The following ATP8A1 variants were observed in gnomAD, a reference collection of about 807,000 sequenced individuals.
ATP8A1 encodes the protein ATPase phospholipid transporting 8A1, also known as phospholipid-transporting ATPase IA.
ATP8A1 carries 90 observed loss-of-function variants against 177.7 expected under a neutral mutation model. The observed-to-expected ratio is 0.51, with a 90% CI of 0.43 to 0.60. The LOEUF is 0.60. Among genes scored for constraint, ATP8A1 ranks in the 20% least tolerant of loss-of-function variants. The pLI, the probability that ATP8A1 is intolerant of heterozygous loss-of-function variation, is 0.00. For missense variants in ATP8A1, 1,072 were observed against 1,392.8 expected (o/e 0.77, Z 3.67); for synonymous variants, 493 against 485.9 (o/e 1.01, Z -0.19).
chr4:42,656,804 C>A, intron 1 of ATP8A1, 21 bp downstream of exon 1: 1 of 1,550,310 alleles, frequency 6.5e-7, no homozygotes, highest in East Asian at 2.5e-5. Flanking sequence ...GGGCTAGCCC[C>A]GAGCCTCGGC....
At chr4:42,450,913 C>A (rs1226575374) in intron 30 of ATP8A1, among the ~76,000 whole-genome samples, 1 of 152,174 alleles carries the variant, frequency 6.6e-6, no homozygotes, top group East Asian at 1.9e-4. Flanking sequence ...GACATACAGG[C>A]TGACAAGGGA....
chr4:42,435,809 G>A (rs975893010), intron 33 of ATP8A1, among the ~76,000 whole-genome samples: 8 of 152,170 alleles, frequency 5.3e-5, no homozygotes, highest in African/African-American at 7.2e-5. Flanking sequence ...CAGCTTAACC[G>A]TCCCAACTTC....
At chr4:42,476,023 G>C (rs754040903) in intron 25 of ATP8A1, among the ~76,000 whole-genome samples, 7 of 152,010 alleles carry the variant, frequency 4.6e-5, no homozygotes, top group Non-Finnish European at 8.8e-5. Context: ...CTGGGCGACA[G>C]AGTGAGACTC....
In ATP8A1 at chr4:42,523,988, T is replaced by A. The variant is rs528174135; in HGVS notation, c.1807+775A>T. Among the ~76,000 whole-genome samples, 32 of 152,286 alleles carry A rather than the reference T, an allele frequency of 2.1e-4. 1 individual carries two copies. Among genetic ancestry groups the A allele is most frequent in the African/African-American group, 7.5e-4 (31 of 41,570 alleles). ...GTCAGTTTGGTGCCACTGGCAACAG[T>A]TCCAGCTGAAACAGATAGGAGTGAA... On this transcript the variant is annotated intron_variant, in intron 21 of 36. Coordinates refer to ENST00000381668, the MANE Select transcript of ATP8A1 (RefSeq NM_006095.2).
At chr4:42,633,883 G>A (rs962127327) in intron 1 of ATP8A1, among the ~76,000 whole-genome samples, 4 of 152,186 alleles carry the variant, frequency 2.6e-5, no homozygotes, top group African/African-American at 9.7e-5. Context: ...CATAAAGGAA[G>A]ATAAGGGACA....
Position 42,487,471 on chromosome 4 carries a change from A to T in ATP8A1, c.2152-1803T>A, listed in dbSNP as rs113202066. 8.8e-3 allele frequency among the ~76,000 whole-genome samples: 1,343 copies of T among 152,252 alleles called. 11 individuals carry two copies. Among genetic ancestry groups the T allele is most frequent in the African/African-American group, 0.03 (1,247 of 41,564 alleles). ...AAATATAATGAGTAATTCCCCTCCT[A>T]TCAGATTTCTGTTCTGAGTGCTAAG... On this transcript the variant is annotated intron_variant, in intron 24 of 36. Transcript: ENST00000381668.
At chr4:42,450,388 C>T (rs1717806869) in intron 30 of ATP8A1, among the ~76,000 whole-genome samples, 1 of 152,132 alleles carries the variant, frequency 6.6e-6, no homozygotes, top group East Asian at 1.9e-4. Flanking sequence ...GAATGTCGGG[C>T]ATCAGATAGT....
At chr4:42,600,426 G>A (rs1275545871) in intron 6 of ATP8A1, 52 bp downstream of exon 6, 1 of 1,497,686 alleles carries the variant, frequency 6.7e-7, no homozygotes, top group African/African-American at 1.4e-5. Context: ...ATATACTAGA[G>A]TACACCGCTA....
At chr4:42,550,203 T>C (rs1321490240) in intron 18 of ATP8A1, among the ~76,000 whole-genome samples, 1 of 151,870 alleles carries the variant, frequency 6.6e-6, no homozygotes, top group African/African-American at 2.4e-5. Context: ...TGGCTTTTTT[T>C]TTTTTTTTTG....
chr4:42,500,364 CA>C (rs1044984924), intron 24 of ATP8A1, among the ~76,000 whole-genome samples: 6 of 131,414 alleles, frequency 4.6e-5, no homozygotes, highest in African/African-American at 2.0e-4. Flanking sequence ...GACTCGGTCT[CA>C]AAAACAAAAC....
intron 25 of ATP8A1, among the ~76,000 whole-genome samples, chr4:42,473,410 T>C (rs1364904302): frequency 1.3e-5 from 2 of 152,218 alleles, no homozygotes; most frequent in African/African-American, 4.8e-5. Context: ...CACCTCTCTA[T>C]TTAGGGAGCC....
At chr4:42,431,917 G>C (rs1378620576) in intron 33 of ATP8A1, among the ~76,000 whole-genome samples, 2 of 152,198 alleles carry the variant, frequency 1.3e-5, no homozygotes, top group African/African-American at 4.8e-5. Flanking sequence ...TCAATGCTTA[G>C]CTTCAAGTTT....
At chr4:42,462,237 G>C (rs184905023) in intron 27 of ATP8A1, among the ~76,000 whole-genome samples, 4 of 152,232 alleles carry the variant, frequency 2.6e-5, no homozygotes, top group African/African-American at 9.6e-5. Context: ...TCAAGACAAC[G>C]GGGAAAATGT....
intron 5 of ATP8A1, among the ~76,000 whole-genome samples, chr4:42,612,556 C>A (rs1464313228): frequency 6.6e-6 from 1 of 151,306 alleles, no homozygotes; most frequent in Non-Finnish European, 1.5e-5. Flanking sequence ...CCTACTCTGT[C>A]TTCTCTCTGC....
At chr4:42,434,274 A>C (rs1471721294) in intron 33 of ATP8A1, among the ~76,000 whole-genome samples, 1 of 152,170 alleles carries the variant, frequency 6.6e-6, no homozygotes, top group Non-Finnish European at 1.5e-5. Flanking sequence ...CTCAGTGTTC[A>C]ATATATTTAC....
Position 42,498,464 on chromosome 4 carries a change from T to C in ATP8A1, c.2151+4986A>G, listed in dbSNP as rs373765310. 1.2e-3 allele frequency among the ~76,000 whole-genome samples: 189 copies of C among 152,336 alleles called. 1 individual carries two copies. Among genetic ancestry groups the C allele is most frequent in the African/African-American group, 4.4e-3 (183 of 41,578 alleles). ...TCTTTTACCACAGTGTTGAAAAATA[T>C]ATATTCTAATGCTTGTTAACTTAAT... On this transcript the variant is annotated intron_variant, in intron 24 of 36. Coordinates refer to ENST00000381668, the MANE Select transcript of ATP8A1 (RefSeq NM_006095.2).
chr4:42,451,978 T>C lies in ATP8A1; in HGVS notation c.2896+3A>G. On this transcript the variant is annotated splice_donor_region_variant and intron_variant, in intron 30 of 36. Coordinates refer to ENST00000381668, the MANE Select transcript of ATP8A1 (RefSeq NM_006095.2). ...TCTTTGCATTCATATCCCTTCTACT[T>C]ACCATACTGAAGGGCTTTTAGTGGA... 1.2e-6 allele frequency: 2 copies of C among 1,603,690 alleles called. No individual in the cohort carries two copies. Among genetic ancestry groups the C allele is most frequent in the Non-Finnish European group, 8.5e-7 (1 of 1,171,352 alleles).
intron 1 of ATP8A1, among the ~76,000 whole-genome samples, chr4:42,634,573 A>C (rs939689099): frequency 6.6e-6 from 1 of 152,208 alleles, no homozygotes; most frequent in Admixed American, 6.6e-5. Flanking sequence ...AGGGCATTAA[A>C]GAATCATGCC....
chr4:42,424,076 T>G (rs1714305632), intron 33 of ATP8A1, among the ~76,000 whole-genome samples: 1 of 152,148 alleles, frequency 6.6e-6, no homozygotes, highest in South Asian at 2.1e-4. Flanking sequence ...AATTTGATTA[T>G]TTTTGGCTAA....
Sources: gnomAD v4.1 joint callset for allele counts (sites outside exome capture counted in the v4.1 genomes callset) on GRCh38, gnomAD v4.1.1 for gene constraint, MANE v1.5 for transcripts, NCBI Gene and HGNC (gene_info 2026-07-23, HGNC 2026-07-21) for gene names.